Variants in FBXO34 observed in about 807,000 individuals in gnomAD.
The protein encoded by FBXO34 is F-box only protein 34.
A neutral mutation model predicts 24.5 loss-of-function variants in FBXO34; 12 were observed. The ratio of observed to expected loss-of-function variants is 0.49; its 90% CI spans 0.31 to 0.79. The LOEUF (loss-of-function observed/expected upper bound fraction) is 0.79, where lower values mean the gene tolerates loss of function less well. Among genes scored for constraint, FBXO34 ranks in the 30% least tolerant of loss-of-function variants. The probability of loss-of-function intolerance (pLI) is 0.04; values close to 1 mark genes in which losing one functional copy is unlikely to be tolerated. For synonymous variants in FBXO34, 320 were observed against 311.9 expected (o/e 1.03, Z -0.27); for missense variants, 823 against 857.7 (o/e 0.96, Z 0.51).
chr14:55,417,190 T>C, the FBXO34 span, among the ~76,000 whole-genome samples: 2 of 152,188 alleles, frequency 1.3e-5, no homozygotes, highest in Non-Finnish European at 2.9e-5. Flanking sequence ...ACCTGAACCA[T>C]ACAGCAGCAG....
downstream of FBXO34, among the ~76,000 whole-genome samples, chr14:55,358,317 C>T (rs1224565671): frequency 1.3e-5 from 2 of 152,200 alleles, no homozygotes; most frequent in Non-Finnish European, 2.9e-5. Flanking sequence ...AAGGAAACTG[C>T]TGCACACTTG....
chr14:55,426,306 A>G, the FBXO34 span, among the ~76,000 whole-genome samples: 1 of 152,010 alleles, frequency 6.6e-6, no homozygotes, highest in Non-Finnish European at 1.5e-5. Context: ...AGAGGGAAAA[A>G]TTCTCATTGA....
intron 1 of FBXO34, among the ~76,000 whole-genome samples, chr14:55,333,355 A>G (rs1349311753): frequency 1.3e-5 from 2 of 152,140 alleles, no homozygotes; most frequent in East Asian, 3.8e-4. Context: ...TAGTTTTACC[A>G]TCTAATAACC....
At chr14:55,387,963 A>G in the FBXO34 span, among the ~76,000 whole-genome samples, 1 of 152,188 alleles carries the variant, frequency 6.6e-6, no homozygotes, top group South Asian at 2.1e-4. Flanking sequence ...CACCTGGCCA[A>G]TTTCTTACAG....
intron 1 of FBXO34, among the ~76,000 whole-genome samples, chr14:55,284,336 A>G (rs1881677846): frequency 6.6e-6 from 1 of 152,078 alleles, no homozygotes; most frequent in African/African-American, 2.4e-5. Context: ...CAACATGGTG[A>G]AACCCTGTCT....
intron 1 of FBXO34, among the ~76,000 whole-genome samples, chr14:55,341,086 C>T (rs1883975899): frequency 6.6e-6 from 1 of 152,168 alleles, no homozygotes. Flanking sequence ...GGGATCACTG[C>T]AGCGGGGTCT....
At position 55,331,725 on chromosome 14, in the gene FBXO34, ATATG is replaced by A. The variant is rs1388696740; in HGVS notation, c.-10-18652_-10-18649del. Among the ~76,000 whole-genome samples, 82 of 43,686 alleles carry A rather than the reference ATATG, an allele frequency of 1.9e-3. 7 individuals carry two copies. The highest frequency in any genetic ancestry group is 0.016 in the Middle Eastern group (2 of 124). 28.7% of individuals were successfully genotyped at this position (43,686 alleles called of 152,430 possible). A position where few individuals can be genotyped will look rare whatever the true frequency, so the allele number is the denominator to read the frequency against. On this transcript the variant is annotated intron_variant, in intron 1 of 1. Coordinates refer to ENST00000313833, the MANE Select transcript of FBXO34 (RefSeq NM_017943.4). ...TATATGTATATATATATGTATATAT[ATATG>A]TATATATATATGTGTGTATATATAT...
chr14:55,311,189 A>G (rs1400936665), intron 1 of FBXO34, among the ~76,000 whole-genome samples: 1 of 152,228 alleles, frequency 6.6e-6, no homozygotes, highest in Non-Finnish European at 1.5e-5. Context: ...TTTCTTCACA[A>G]TGTGGCAGGA....
chr14:55,397,553 T>TAGTAAATACACGTCTTCTCAACGGGGTGC, the FBXO34 span: 1 of 792,678 alleles, frequency 1.3e-6, no homozygotes, highest in South Asian at 1.5e-5. Flanking sequence ...ATTGTCCTGA[T>TAGTAAATACACGTCTTCTCAACGGGGTGC]AGTAAATACA....
At chr14:55,318,533 T>C (rs1442921191) in intron 1 of FBXO34, among the ~76,000 whole-genome samples, 1 of 150,392 alleles carries the variant, frequency 6.6e-6, no homozygotes, top group Admixed American at 6.6e-5. Flanking sequence ...TTTTTTGTTT[T>C]TGTTTTTATT....
the FBXO34 span, chr14:55,380,826 AC>A: frequency 3.0e-6 from 1 of 334,028 alleles, no homozygotes; most frequent in Non-Finnish European, 5.4e-6. Flanking sequence ...ATGCTCCATG[AC>A]CAGACATAAA....
chr14:55,399,445 G>A, the FBXO34 span, among the ~76,000 whole-genome samples: 1 of 152,196 alleles, frequency 6.6e-6, no homozygotes, highest in African/African-American at 2.4e-5. Flanking sequence ...ACCAGTATTA[G>A]AAAACTCAGA....
chr14:55,339,780 C>G (rs909760403), intron 1 of FBXO34, among the ~76,000 whole-genome samples: 1 of 152,192 alleles, frequency 6.6e-6, no homozygotes, highest in African/African-American at 2.4e-5. Flanking sequence ...GACCATAAAT[C>G]TCGTTTCTTT....
chr14:55,322,364 C>A (rs1002926950), intron 1 of FBXO34, among the ~76,000 whole-genome samples: 6 of 151,684 alleles, frequency 4.0e-5, no homozygotes, highest in Non-Finnish European at 8.8e-5. Flanking sequence ...AAAAAGACAT[C>A]TTTCTGTGTA....
chr14:55,368,561 CAGAG>C (rs1884737108), downstream of FBXO34: 1 of 152,234 alleles, frequency 6.6e-6, no homozygotes, highest in African/African-American at 2.4e-5. Context: ...CAGAACAGAG[CAGAG>C]TAGCATCAGC....
At chr14:55,420,511 A>T in the FBXO34 span, among the ~76,000 whole-genome samples, 1 of 125,026 alleles carries the variant, frequency 8.0e-6, no homozygotes, top group African/African-American at 2.9e-5. Context: ...ACGCCAAGAG[A>T]TGATAATTAT....
intron 1 of FBXO34, among the ~76,000 whole-genome samples, chr14:55,329,906 A>AT (rs1883475659): frequency 6.6e-6 from 1 of 151,898 alleles, no homozygotes; most frequent in Non-Finnish European, 1.5e-5. Context: ...ATATATATAT[A>AT]TTTTTAAACT....
At chr14:55,275,596 C>T (rs578248904) in intron 1 of FBXO34, among the ~76,000 whole-genome samples, 1 of 150,574 alleles carries the variant, frequency 6.6e-6, no homozygotes, top group Non-Finnish European at 1.5e-5. Flanking sequence ...GGGCAGAACA[C>T]GAGGTCAGGA....
At chr14:55,411,098 A>G in the FBXO34 span, among the ~76,000 whole-genome samples, 1 of 152,222 alleles carries the variant, frequency 6.6e-6, no homozygotes, top group African/African-American at 2.4e-5. Flanking sequence ...GCAAGCCTCA[A>G]TTCACACATT....
Sources: allele counts gnomAD v4.1 joint callset (sites outside exome capture counted in the v4.1 genomes callset), GRCh38; gene constraint gnomAD v4.1.1; transcripts MANE v1.5; gene names NCBI Gene and HGNC (gene_info 2026-07-23, HGNC 2026-07-21).